Variants in EIF4B observed in about 807,000 individuals in gnomAD.
EIF4B encodes eukaryotic translation initiation factor 4B.
Under a neutral mutation model 79.3 loss-of-function variants are expected in EIF4B, and 8 were observed. The ratio of observed to expected loss-of-function variants is 0.10; its 90% CI spans 0.06 to 0.18. The LOEUF (loss-of-function observed/expected upper bound fraction) is 0.18, where lower values mean the gene tolerates loss of function less well. Ranked by LOEUF, EIF4B falls within the 10% of genes least tolerant of loss-of-function variation. EIF4B has a pLI of 1.00. For synonymous variants in EIF4B, 238 were observed against 274.7 expected (o/e 0.87, Z 1.32); for missense variants, 515 against 792.4 (o/e 0.65, Z 4.20).
intron 1 of EIF4B, among the ~76,000 whole-genome samples, chr12:53,007,779 A>G (rs184695575): frequency 6.6e-6 from 1 of 152,258 alleles, no homozygotes; most frequent in Non-Finnish European, 1.5e-5. Context: ...AAATGTTGAG[A>G]AATTTGAGGT....
Position 53,022,534 on chromosome 12 carries a change from T to A in EIF4B, c.574T>A (p.Ser192Thr). Residue 192 changes from serine (S) to threonine (T), a missense_variant, in exon 6 of 15, where the codon TCT (serine) becomes ACT (threonine). Physicochemically the swap from Ser to Thr is moderately conservative, Grantham distance 58. Around this residue, in one of 6 missense-constraint regions of EIF4B, gnomAD observed 187 missense variants for 256.5 expected, o/e 0.73. Transcript: ENST00000262056. ...TTTTGGCCGTGATAGAAATCGGGAT[T>A]CTGACAAAACAGATACAGACTGGAG... ...RSFGRDRNRD[S>T]DKTDTDWRAR... 1 of 1,613,420 alleles carries A rather than the reference T, an allele frequency of 6.2e-7. No homozygotes were observed. The highest frequency in any genetic ancestry group is 8.5e-7 in the Non-Finnish European group (1 of 1,179,876).
At chr12:53,036,348 G>C (rs1943540948) in intron 10 of EIF4B, among the ~76,000 whole-genome samples, 1 of 151,790 alleles carries the variant, frequency 6.6e-6, no homozygotes, top group South Asian at 2.1e-4. Context: ...TCTTGATCTT[G>C]TGATCTGCCC....
rs370947800 is a variant in EIF4B, at chr12:53,027,824, A to G, written c.710A>G (p.Tyr237Cys). Residue 237 changes from tyrosine (Y) to cysteine (C), a missense_variant, in exon 7 of 15, where the codon TAT becomes TGT. Tyr to Cys is a radical substitution (Grantham distance 194). This residue lies in a region of EIF4B where 187 missense variants were observed against 256.5 expected (regional missense o/e 0.73). Transcript: ENST00000262056. ...GATTCAGACCGGTATCGGGATGGGT[A>G]TCGGGATGGGTATCGGGATGGCCCA... ...RYDSDRYRDG[Y>C]RDGYRDGPRR... The G allele has an allele frequency of 5.0e-6, 8 of 1,612,194 alleles. No individual in the cohort carries two copies. The South Asian group carries it at 5.5e-5, about 11-fold the overall frequency.
intron 6 of EIF4B, among the ~76,000 whole-genome samples, chr12:53,025,655 A>G (rs536559872): frequency 2.6e-5 from 4 of 152,354 alleles, no homozygotes; most frequent in South Asian, 4.1e-4. Flanking sequence ...TGATTTTCTT[A>G]TATGTGTCCT....
intron 1 of EIF4B, 72 bp downstream of exon 1, chr12:53,006,568 C>T (rs1942963913): frequency 1.9e-6 from 3 of 1,610,826 alleles, no homozygotes; most frequent in Non-Finnish European, 1.7e-6. Flanking sequence ...CACTGATTTC[C>T]TGAAGTCGGG....
intron 1 of EIF4B, among the ~76,000 whole-genome samples, chr12:53,009,059 GT>G (rs2120877867): frequency 6.6e-6 from 1 of 152,196 alleles, no homozygotes; most frequent in East Asian, 1.9e-4. Flanking sequence ...AAAATACGAA[GT>G]TTTTCATTTT....
intron 1 of EIF4B, 36 bp from the exon 2 acceptor site, chr12:53,016,437 A>G (rs376552018): frequency 1.2e-5 from 19 of 1,611,232 alleles, no homozygotes; most frequent in Non-Finnish European, 1.5e-5. Flanking sequence ...ATACCTGAGT[A>G]TTGGTGAATA....
At chr12:53,016,849 ACTT>A (rs1299452798) in intron 2 of EIF4B, among the ~76,000 whole-genome samples, 3 of 152,138 alleles carry the variant, frequency 2.0e-5, no homozygotes, top group Non-Finnish European at 4.4e-5. Context: ...GCATTAACAG[ACTT>A]CTTAAGTTAC....
In EIF4B at chr12:53,041,883, C is replaced by CT. The variant is rs1943645583; in HGVS notation, c.*1663dup. ...AGTATTGAAGATTGAAAGGGTTTTTCTTTCTTTTTTAAAAAAGAAAAACAA... is the reference window on the plus strand; with the variant it reads ...AGTATTGAAGATTGAAAGGGTTTTTCTTTTCTTTTTTAAAAAAGAAAAACAA... On this transcript the variant is annotated 3_prime_UTR_variant, in exon 15 of 15. Coordinates refer to ENST00000262056, the MANE Select transcript of EIF4B (RefSeq NM_001417.7). 2.0e-5 allele frequency: 3 copies of CT among 152,254 alleles called. No individual in the cohort carries two copies. The highest frequency in any genetic ancestry group is 4.4e-5 in the Non-Finnish European group (3 of 68,004). The allele number at this position is 152,254 out of a possible 1,614,324, so 9.4% of individuals were successfully genotyped here. A position where few individuals can be genotyped will look rare whatever the true frequency, so the allele number is the denominator to read the frequency against.
rs946819386 is a variant in EIF4B at position 53,007,834 on chromosome 12, A to G, written c.13+1338A>G. 5.1e-4 allele frequency among the ~76,000 whole-genome samples: 78 copies of G among 152,196 alleles called. 1 individual carries two copies. The highest frequency in any genetic ancestry group is 1.7e-3 in the African/African-American group (71 of 41,452). On this transcript the variant is annotated intron_variant, in intron 1 of 14. Coordinates refer to ENST00000262056, the MANE Select transcript of EIF4B (RefSeq NM_001417.7). The stretch of plus-strand genomic sequence containing the variant: ...TGGTGTAACGCTTGACAGTTGACCA[A>G]GCACTTTTGTGCATGTTGTCTCCTT...
intron 10 of EIF4B, 108 bp from the exon 11 acceptor site, chr12:53,037,301 T>C: frequency 8.0e-7 from 1 of 1,257,608 alleles, no homozygotes; most frequent in Admixed American, 2.3e-5. Flanking sequence ...AAATCCATCT[T>C]TGGGAGCCAA....
chr12:53,033,143 C>A (rs1943476698), intron 8 of EIF4B, among the ~76,000 whole-genome samples: 1 of 151,812 alleles, frequency 6.6e-6, no homozygotes, highest in Non-Finnish European at 1.5e-5. Flanking sequence ...CCTCAGCCTC[C>A]CGAGTAGCTG....
intron 4 of EIF4B, among the ~76,000 whole-genome samples, chr12:53,020,440 A>G (rs1324405495): frequency 6.6e-6 from 1 of 152,218 alleles, no homozygotes; most frequent in African/African-American, 2.4e-5. Context: ...TTGTAATGGT[A>G]TATTTGTTCA....
chr12:53,019,561 G>A (rs1347720018), intron 3 of EIF4B, among the ~76,000 whole-genome samples: 1 of 137,592 alleles, frequency 7.3e-6, no homozygotes, highest in Non-Finnish European at 1.5e-5. Flanking sequence ...AGATAGGGTT[G>A]CACTATGTTG....
intron 1 of EIF4B, among the ~76,000 whole-genome samples, chr12:53,007,062 A>G (rs535886505): frequency 2.0e-5 from 3 of 152,284 alleles, no homozygotes; most frequent in Admixed American, 6.5e-5. Flanking sequence ...CGCGCCTTCA[A>G]TGCGTGCGCT....
At chr12:53,014,065 A>G (rs9706050) in intron 1 of EIF4B, 28,883 of 151,892 alleles carry the variant, frequency 0.19, 4,150 homozygotes, top group East Asian at 0.53. Flanking sequence ...AAGAGGCTAC[A>G]GTGGGAGAAT....
At chr12:53,017,540 C>A (rs1328569267) in intron 2 of EIF4B, among the ~76,000 whole-genome samples, 2 of 151,964 alleles carry the variant, frequency 1.3e-5, no homozygotes, top group Admixed American at 6.6e-5. Context: ...TCCTGAAAAT[C>A]GTTTATTGCA....
At chr12:53,034,139 G>A (rs1943496044) in intron 9 of EIF4B, 105 bp downstream of exon 9, 1 of 1,170,934 alleles carries the variant, frequency 8.5e-7, no homozygotes, top group African/African-American at 1.5e-5. Context: ...TCACATTAGT[G>A]GTTGTCACTG....
intron 1 of EIF4B, among the ~76,000 whole-genome samples, chr12:53,010,183 A>G (rs943619490): frequency 3.3e-5 from 5 of 152,238 alleles, no homozygotes; most frequent in Admixed American, 6.5e-5. Context: ...CCCTGGAGGG[A>G]TAAGGAAAAG....
Sources: allele counts gnomAD v4.1 joint callset (sites outside exome capture counted in the v4.1 genomes callset), GRCh38; gene constraint gnomAD v4.1.1; regional missense constraint gnomAD v4.1.1; transcripts MANE v1.5; gene names NCBI Gene and HGNC (gene_info 2026-07-23, HGNC 2026-07-21).